RBFOX1: variants seen among roughly 807,000 people sequenced by gnomAD.
RBFOX1 encodes the protein RNA binding protein fox-1 homolog 1.
Under a neutral mutation model 57.7 loss-of-function variants are expected in RBFOX1, and 8 were observed. The observed-to-expected ratio is 0.14, with a 90% confidence interval of 0.08 to 0.25. The LOEUF (loss-of-function observed/expected upper bound fraction) is 0.25. RBFOX1 is among the 10% of genes least tolerant of loss of function. The pLI is 1.00. For synonymous variants in RBFOX1, 326 were observed against 222.4 expected, an observed-to-expected ratio of 1.47 and a Z score of -4.15; for missense variants, 611 against 548.5, an observed-to-expected ratio of 1.11 and a Z score of -1.14.
chr16:6,413,069 C>T (rs1347047592), intron 2 of RBFOX1, among the ~76,000 whole-genome samples: 1 of 152,176 alleles, frequency 6.6e-6, no homozygotes, highest in Non-Finnish European at 1.5e-5. Flanking sequence ...CCTATAATCC[C>T]AGCACTTTGG....
At chr16:7,179,817 C>G (rs566567836) in intron 4 of RBFOX1, among the ~76,000 whole-genome samples, 1 of 152,178 alleles carries the variant, frequency 6.6e-6, no homozygotes, top group African/African-American at 2.4e-5. Flanking sequence ...TCACTGCAAC[C>G]TACTCCTCCC....
At chr16:5,877,446 G>A (rs2057642638) in intron 4 of RBFOX1, among the ~76,000 whole-genome samples, 1 of 152,228 alleles carries the variant, frequency 6.6e-6, no homozygotes, top group African/African-American at 2.4e-5. Context: ...AGAGGGGGCT[G>A]TTTAGCTCTC....
rs191927283 is a variant in RBFOX1, at chr16:6,121,802, A to G, written c.-127+101810A>G. Among the ~76,000 whole-genome samples the G allele has an allele frequency of 3.1e-3, 476 of 152,342 alleles. 3 individuals carry two copies. The highest frequency in any genetic ancestry group is 4.7e-3 in the Admixed American group (72 of 15,298). ...TGTTTCCTCCTCTGTAAAAGAAGGA[A>G]TAACTAATGGTACCTATCTTTAAAG... On this transcript the variant is annotated intron_variant, in intron 1 of 15. Transcript: ENST00000550418.
chr16:5,933,524 C>T (rs543346676), intron 4 of RBFOX1, among the ~76,000 whole-genome samples: 125 of 152,296 alleles, frequency 8.2e-4, no homozygotes, highest in African/African-American at 3.0e-3. Context: ...AAAACGGATG[C>T]TCCTGCAGGG....
intron 2 of RBFOX1, among the ~76,000 whole-genome samples, chr16:6,625,133 C>G (rs1272671818): frequency 7.3e-6 from 1 of 137,158 alleles, no homozygotes; most frequent in Non-Finnish European, 1.5e-5. Context: ...CCATTGCACT[C>G]CATCCTCGGC....
In RBFOX1 at chr16:6,044,000, C is replaced by T. The variant is rs538204151; in HGVS notation, c.-127+24008C>T. Among the ~76,000 whole-genome samples, 319 of 152,302 alleles carry T rather than the reference C, an allele frequency of 2.1e-3. 2 individuals carry two copies. Among genetic ancestry groups the T allele is most frequent in the African/African-American group, 7.3e-3 (302 of 41,566 alleles). On this transcript the variant is annotated intron_variant, in intron 1 of 15. Coordinates refer to ENST00000550418, the MANE Select transcript of RBFOX1 (RefSeq NM_018723.4). ...TGCTGCTACTAATTCTAGGTTGCTG[C>T]ATAGCCTGTGTGGTTTCCCGGTGCT... is the stretch of plus-strand genomic sequence containing the variant.
intron 4 of RBFOX1, among the ~76,000 whole-genome samples, chr16:7,381,716 C>G (rs558533173): frequency 1.3e-5 from 2 of 152,172 alleles, no homozygotes; most frequent in African/African-American, 4.8e-5. Flanking sequence ...AAGTCAGGAA[C>G]AGTGGGCACA....
intron 2 of RBFOX1, among the ~76,000 whole-genome samples, chr16:6,361,492 G>A (rs2088514775): frequency 1.3e-5 from 2 of 151,986 alleles, no homozygotes; most frequent in Admixed American, 1.3e-4. Flanking sequence ...GCCTGGTGTG[G>A]TGGCTAATGC....
At chr16:6,369,149 A>G (rs971316321) in intron 2 of RBFOX1, among the ~76,000 whole-genome samples, 1 of 152,206 alleles carries the variant, frequency 6.6e-6, no homozygotes. Context: ...TTCCTAATCT[A>G]TTGGTAGTAT....
At chr16:7,493,711 C>G (rs769543527) in intron 4 of RBFOX1, among the ~76,000 whole-genome samples, 1 of 152,098 alleles carries the variant, frequency 6.6e-6, no homozygotes, top group Non-Finnish European at 1.5e-5. Context: ...GCAAAGAAAC[C>G]GATGATCCTC....
intron 4 of RBFOX1, among the ~76,000 whole-genome samples, chr16:7,093,878 C>A (rs12103323): frequency 1.3e-5 from 2 of 151,698 alleles, no homozygotes; most frequent in African/African-American, 4.8e-5. Flanking sequence ...GTAATAATGA[C>A]ACAAAACTCA....
intron 4 of RBFOX1, among the ~76,000 whole-genome samples, chr16:7,471,881 C>T (rs1337100105): frequency 6.6e-6 from 1 of 152,178 alleles, no homozygotes; most frequent in Admixed American, 6.5e-5. Context: ...AGTTTAGCAA[C>T]CCTTCATTCT....
intron 4 of RBFOX1, among the ~76,000 whole-genome samples, chr16:5,880,711 T>C (rs960107424): frequency 7.9e-5 from 12 of 152,130 alleles, no homozygotes; most frequent in African/African-American, 2.9e-4. Flanking sequence ...ACCTCTTCTG[T>C]TTCATGACCC....
At chr16:5,293,551 A>T (rs548092225) in intron 1 of RBFOX1, among the ~76,000 whole-genome samples, 1 of 152,320 alleles carries the variant, frequency 6.6e-6, no homozygotes, top group African/African-American at 2.4e-5. Flanking sequence ...TCCAAGGTCC[A>T]TCCACATGTA....
chr16:7,588,656 A>C (rs534738352), intron 7 of RBFOX1, among the ~76,000 whole-genome samples: 180 of 152,316 alleles, frequency 1.2e-3, no homozygotes, highest in African/African-American at 4.2e-3. Context: ...ATTTGAGGCA[A>C]GTCGGTATCA....
chr16:6,458,707 C>T lies in RBFOX1; in HGVS notation c.-64+141650C>T, dbSNP rs140822681. ...ACAAGGTAAAGTGGCCAGTGCTATG[C>T]TCATTTGACCTAGGAGTAAGGAATG... On this transcript the variant is annotated intron_variant, in intron 2 of 15. Transcript: ENST00000550418. Among the ~76,000 whole-genome samples, 571 of 152,322 alleles carry T rather than the reference C, an allele frequency of 3.7e-3. 2 individuals carry two copies. Among genetic ancestry groups the T allele is most frequent in the African/African-American group, 0.013 (527 of 41,564 alleles).
intron 4 of RBFOX1, among the ~76,000 whole-genome samples, chr16:7,196,807 T>C (rs1278308768): frequency 1.3e-5 from 2 of 151,984 alleles, no homozygotes; most frequent in Non-Finnish European, 2.9e-5. Flanking sequence ...TTCACACAGA[T>C]GATTTATGGA....
chr16:6,557,262 C>T (rs1380247944), intron 2 of RBFOX1, among the ~76,000 whole-genome samples: 2 of 151,300 alleles, frequency 1.3e-5, no homozygotes, highest in South Asian at 2.1e-4. Flanking sequence ...TCGGGTGATG[C>T]ATGACACCCA....
intron 4 of RBFOX1, among the ~76,000 whole-genome samples, chr16:7,265,733 G>A (rs948876160): frequency 1.1e-4 from 16 of 152,194 alleles, no homozygotes; most frequent in African/African-American, 2.2e-4. Context: ...ATAGGCGTGA[G>A]CCACCATGCC....
Sources: allele counts gnomAD v4.1 joint callset (sites outside exome capture counted in the v4.1 genomes callset), GRCh38; gene constraint gnomAD v4.1.1; transcripts MANE v1.5; gene names NCBI Gene and HGNC (gene_info 2026-07-23, HGNC 2026-07-21).